EEF2: variants seen among roughly 807,000 people sequenced by gnomAD.
The protein encoded by EEF2 is elongation factor 2.
In EEF2, 21 loss-of-function variants were observed where a neutral mutation model predicts 85.3. The observed-to-expected ratio is 0.25, with a 90% confidence interval of 0.17 to 0.35. The LOEUF is 0.35. Among genes scored for constraint, EEF2 ranks in the 10% least tolerant of loss-of-function variants. The pLI, the probability that EEF2 is intolerant of heterozygous loss-of-function variation, is 1.00. For missense variants in EEF2, 825 were observed against 1,225.3 expected (o/e 0.67, Z 4.88); for synonymous variants, 723 against 508.8 (o/e 1.42, Z -5.67).
At chr19:3,978,360 G>C (rs940047442) in intron 11 of EEF2, among the ~76,000 whole-genome samples, 188 bp from the exon 12 acceptor site, 1 of 152,188 alleles carries the variant, frequency 6.6e-6, no homozygotes, top group African/African-American at 2.4e-5. Context: ...ACAAGGAGCA[G>C]GGGCTCCACT....
Position 3,982,957 on chromosome 19 carries a change from C to A in EEF2, c.462G>T (p.Val154=), listed in dbSNP as rs376435145. 16 of 1,612,984 alleles carry A rather than the reference C, an allele frequency of 9.9e-6. No individual in the cohort carries two copies. In the African/African-American group the frequency reaches 1.3e-4, roughly 13 times the overall value. ...RQAIAERIKP[V]LMMNKMDRAL... is the part of the protein sequence containing the mutation. ...CGCGGTCCATCTTGTTCATCATCAG[C>A]ACAGGCTTGATGCGCTCGGCAATGG... Residue 154 remains valine (V), a synonymous_variant, in exon 4 of 15, where the codon GTG becomes GTT. Coordinates refer to ENST00000309311, the MANE Select transcript of EEF2 (RefSeq NM_001961.4).
chr19:3,977,185 C>T lies in EEF2; in HGVS notation c.2383+30G>A, dbSNP rs778808287. On this transcript the variant is annotated intron_variant, in intron 14 of 14. Coordinates refer to ENST00000309311, the MANE Select transcript of EEF2 (RefSeq NM_001961.4). This position sits in a 1 kb window ranked among gnomAD's most constrained non-coding sequence, Gnocchi z 5.4. ...CTGTCCCCCAAACCAGCCTGCCAGG[C>T]TCTGCAGGCCACACCGGGCAGGCAC... 3 of 1,605,294 alleles carry T rather than the reference C, an allele frequency of 1.9e-6. No individual in the cohort carries two copies. Among genetic ancestry groups the T allele is most frequent in the South Asian group, 1.1e-5 (1 of 90,572 alleles).
At position 3,983,311 on chromosome 19, in the gene EEF2, G is replaced by A. The variant is rs1369117712; in HGVS notation, c.219-20C>T. ...ATGGCACTGATGGAGGGAGGGACTC[G>A]TCAGGGGGACAGGAGCCACACACCT... On this transcript the variant is annotated intron_variant, in intron 2 of 14. Transcript: ENST00000309311. 1.1e-5 allele frequency: 17 copies of A among 1,608,254 alleles called. No individual in the cohort carries two copies. The highest frequency in any genetic ancestry group is 5.4e-5 in the African/African-American group (4 of 74,738).
chr19:3,983,660 ATGAAGAGCC>A (rs747112790), intron 2 of EEF2, among the ~76,000 whole-genome samples: 9 of 152,246 alleles, frequency 5.9e-5, no homozygotes, highest in Non-Finnish European at 1.0e-4. Flanking sequence ...TCCAGGGGAA[ATGAAGAGCC>A]TTAGCCAGAG....
Position 3,976,524 on chromosome 19 carries a change from C to CG in EEF2, c.*29dup. 6.3e-7 allele frequency: 1 copy of CG among 1,579,188 alleles called. No individual in the cohort carries two copies. The highest frequency in any genetic ancestry group is 2.3e-5 in the East Asian group (1 of 42,876). On this transcript the variant is annotated 3_prime_UTR_variant, in exon 15 of 15. Coordinates refer to ENST00000309311, the MANE Select transcript of EEF2 (RefSeq NM_001961.4). ...TGGTGCTGTGGGTGCTGCGAGTCCC[C>CG]GGGGCGGCAGGCGCTGCAGGAAGGG...
Position 3,984,194 on chromosome 19 carries a change from T to C in EEF2, c.160A>G (p.Thr54Ala). The change falls in exon 2 of 15, where the codon ACA becomes GCA. Residue 54 changes from threonine to alanine, a missense_variant. Physicochemically the swap from Thr to Ala is moderately conservative, Grantham distance 58. Transcript: ENST00000309311. Reference protein sequence around the residue: ...GIIASARAGETRFTDTRKDEQ... With the variant: ...GIIASARAGEARFTDTRKDEQ... Reference sequence around the variant, plus strand: ...TCCTTCCGGGTATCAGTGAAGCGTGTCTCCCCGGCCCGGGCCGAGGCGATG... The same window carrying C: ...TCCTTCCGGGTATCAGTGAAGCGTGCCTCCCCGGCCCGGGCCGAGGCGATG... 6.2e-7 allele frequency: 1 copy of C among 1,613,962 alleles called. No homozygotes were observed. The highest frequency in any genetic ancestry group is 8.5e-7 in the Non-Finnish European group (1 of 1,180,006).
chr19:3,978,330 G>C (rs374087125), intron 11 of EEF2, among the ~76,000 whole-genome samples, 158 bp from the exon 12 acceptor site: 1 of 152,108 alleles, frequency 6.6e-6, no homozygotes, highest in Non-Finnish European at 1.5e-5. Context: ...AGTGCCAAGC[G>C]CATCTCACTC....
At chr19:3,980,448 C>T in intron 9 of EEF2, 66 bp downstream of exon 9, 1 of 1,536,016 alleles carries the variant, frequency 6.5e-7, no homozygotes, top group South Asian at 1.2e-5. Context: ...CTGAGGAGCC[C>T]AAGACTTGGA....
rs1235631633 is a variant in EEF2 at position 3,980,875 on chromosome 19, C to A, written c.1116G>T (p.Leu372=). 1.3e-6 allele frequency: 2 copies of A among 1,562,560 alleles called. No individual in the cohort carries two copies. The change falls in exon 8 of 15, where the codon CTG becomes CTT. Residue 372 remains leucine (L), a synonymous_variant. Coordinates refer to ENST00000309311, the MANE Select transcript of EEF2 (RefSeq NM_001961.4). ...CCTCGTCGTCCGGGGGCCCCTCGTA[C>A]AGGAGCTCGCAGCGGTACTTCTGGG... is the stretch of plus-strand genomic sequence containing the variant. ...VTAQKYRCEL[L]YEGPPDDEAA... is the part of the protein sequence containing the mutation.
Position 3,977,972 on chromosome 19 carries a change from C to T in EEF2, c.1914G>A (p.Lys638=), listed in dbSNP as rs775329938. 15 of 1,613,244 alleles carry T rather than the reference C, an allele frequency of 9.3e-6. No individual in the cohort carries two copies. Among genetic ancestry groups the T allele is most frequent in the Non-Finnish European group, 1.3e-5 (15 of 1,179,896 alleles). Residue 638 remains lysine (K), a synonymous_variant, in exon 12 of 15, where the codon AAG becomes AAA. Transcript: ENST00000309311. This position sits in a 1 kb window ranked among gnomAD's most constrained non-coding sequence, Gnocchi z 5.4. The part of the protein sequence containing the change: ...LKQRARYLAE[K]YEWDVAEARK... ...GGGCCTCAGCCACGTCCCACTCGTACTTCTCGGCCAGGTAGCGCGCCCGCT... is the reference window on the plus strand; with the variant it reads ...GGGCCTCAGCCACGTCCCACTCGTATTTCTCGGCCAGGTAGCGCGCCCGCT...
rs747276765 is a variant in EEF2 at position 3,980,989 on chromosome 19, C to A, written c.1012-10G>T. The A allele has an allele frequency of 6.4e-7, 1 of 1,566,376 alleles. No homozygotes were observed. The highest frequency in any genetic ancestry group is 8.6e-7 in the Non-Finnish European group (1 of 1,157,492). ...AGCGGCGCATCACAGCCTGCGGGGGCAGAGAGCGGTGCATGAGACACCTGG... is the reference window on the plus strand; with the variant it reads ...AGCGGCGCATCACAGCCTGCGGGGGAAGAGAGCGGTGCATGAGACACCTGG... On this transcript the variant is annotated splice_polypyrimidine_tract_variant and intron_variant, in intron 7 of 14. Transcript: ENST00000309311.
intron 7 of EEF2, 151 bp downstream of exon 7, chr19:3,981,188 G>C: frequency 9.7e-7 from 1 of 1,033,544 alleles, no homozygotes; most frequent in Non-Finnish European, 1.4e-6. Context: ...CTGCTGGGAT[G>C]TGTCTCCAGC....
chr19:3,982,699 T>C (rs2039769474), intron 4 of EEF2, 108 bp downstream of exon 4: 12 of 1,301,748 alleles, frequency 9.2e-6, no homozygotes, highest in Non-Finnish European at 1.3e-5. Context: ...TCACCCAACA[T>C]TCCTGGCAAA....
chr19:3,978,604 G>C (rs1450863103), intron 11 of EEF2, among the ~76,000 whole-genome samples: 1 of 151,496 alleles, frequency 6.6e-6, no homozygotes, highest in Non-Finnish European at 1.5e-5. Flanking sequence ...AGGAGATCCA[G>C]ACCATCCTGG....
At position 3,977,599 on chromosome 19, in the gene EEF2, A is replaced by G; in HGVS notation, c.2079T>C (p.Cys693=). ...FQWATKEGAL[C]EENMRGVRFD... ...AGCGCACACCCCGCATGTTCTCCTC[A>G]CACAGTGCGCCCTGGGGGAGGGGGA... The change falls in exon 13 of 15, where the codon TGT becomes TGC. Residue 693 remains cysteine, a synonymous_variant. Transcript: ENST00000309311. The surrounding 1 kb of genome is among the most constrained non-coding windows in gnomAD (Gnocchi z 5.4). 3 of 1,529,302 alleles carry G rather than the reference A, an allele frequency of 2.0e-6. No homozygotes were observed. The highest frequency in any genetic ancestry group is 2.6e-6 in the Non-Finnish European group (3 of 1,142,242). The allele number at this position is 1,529,302 out of a possible 1,614,324, so 94.7% of individuals were successfully genotyped here. A position where few individuals can be genotyped will look rare whatever the true frequency, so the allele number is the denominator to read the frequency against.
chr19:3,977,666 T>C lies in EEF2; in HGVS notation c.2068-56A>G. On this transcript the variant is annotated intron_variant, in intron 12 of 14. Coordinates refer to ENST00000309311, the MANE Select transcript of EEF2 (RefSeq NM_001961.4). This position sits in a 1 kb window ranked among gnomAD's most constrained non-coding sequence, Gnocchi z 5.4. ...CCGGACACACCTCGGCTGCTTGCCC[T>C]CCACCTGCCAAGTCCTGCAGGTCTC... 6.8e-7 allele frequency: 1 copy of C among 1,474,594 alleles called. No homozygotes were observed. The highest frequency in any genetic ancestry group is 8.9e-7 in the Non-Finnish European group (1 of 1,118,576). 91.3% of individuals were successfully genotyped at this position (1,474,594 alleles called of 1,614,324 possible). A position where few individuals can be genotyped will look rare whatever the true frequency, so the allele number is the denominator to read the frequency against.
Position 3,977,977 on chromosome 19 carries a change from C to T in EEF2, c.1909G>A (p.Glu637Lys), listed in dbSNP as rs754786270. Residue 637 changes from glutamate (E) to lysine (K), a missense_variant, in exon 12 of 15, where the codon GAG becomes AAG. Physicochemically the swap from Glu to Lys is moderately conservative, Grantham distance 56. Coordinates refer to ENST00000309311, the MANE Select transcript of EEF2 (RefSeq NM_001961.4). This position sits in a 1 kb window ranked among gnomAD's most constrained non-coding sequence, Gnocchi z 5.4. ...ELKQRARYLA[E>K]KYEWDVAEAR... ...TCAGCCACGTCCCACTCGTACTTCTCGGCCAGGTAGCGCGCCCGCTGCTTG... is the reference window on the plus strand; with the variant it reads ...TCAGCCACGTCCCACTCGTACTTCTTGGCCAGGTAGCGCGCCCGCTGCTTG... 3 of 1,613,132 alleles carry T rather than the reference C, an allele frequency of 1.9e-6. No homozygotes were observed. The highest frequency in any genetic ancestry group is 1.7e-6 in the Non-Finnish European group (2 of 1,179,780).
In EEF2 at chr19:3,977,922, T is replaced by G; in HGVS notation, c.1964A>C (p.Asp655Ala). The G allele has an allele frequency of 6.2e-7, 1 of 1,613,574 alleles. No individual in the cohort carries two copies. The highest frequency in any genetic ancestry group is 8.5e-7 in the Non-Finnish European group (1 of 1,179,976). Reference protein sequence around the residue: ...EARKIWCFGPDGTGPNILTDI... With the variant: ...EARKIWCFGPAGTGPNILTDI... ...GGTGAGGATGTTGGGGCCGGTGCCG[T>G]CGGGCCCAAAGCACCAGATCTTGCG... Residue 655 changes from aspartate to alanine, a missense_variant, in exon 12 of 15, where the codon GAC becomes GCC. Transcript: ENST00000309311. The surrounding 1 kb of genome is among the most constrained non-coding windows in gnomAD (Gnocchi z 5.4).
At chr19:3,983,681 C>T (rs558426111) in intron 2 of EEF2, among the ~76,000 whole-genome samples, 2 of 152,236 alleles carry the variant, frequency 1.3e-5, no homozygotes, top group Admixed American at 1.3e-4. Flanking sequence ...TAGCCAGAGT[C>T]CCTCACCAAT....
Sources: gnomAD v4.1 joint callset for allele counts (sites outside exome capture counted in the v4.1 genomes callset) on GRCh38, gnomAD v4.1.1 for gene constraint, Gnocchi (gnomAD v3.1) non-coding constraint, MANE v1.5 for transcripts, NCBI Gene and HGNC (gene_info 2026-07-23, HGNC 2026-07-21) for gene names.